GLUD1: variants seen among roughly 807,000 people sequenced by gnomAD.
GLUD1 encodes glutamate dehydrogenase 1, mitochondrial.
Under a neutral mutation model 56.0 loss-of-function variants are expected in GLUD1, and 22 were observed. That is an observed-to-expected ratio of 0.39 (90% CI 0.28 to 0.56). The LOEUF (loss-of-function observed/expected upper bound fraction) is 0.56, where lower values mean the gene tolerates loss of function less well. GLUD1 is among the 20% of genes least tolerant of loss of function. The pLI, the probability that GLUD1 is intolerant of heterozygous loss-of-function variation, is 0.58. For synonymous variants in GLUD1, 223 were observed against 269.9 expected, an observed-to-expected ratio of 0.83 and a Z score of 1.70; for missense variants, 451 against 732.0, an observed-to-expected ratio of 0.62 and a Z score of 4.43.
At chr10:87,083,850 A>T (rs1216483414) in intron 1 of GLUD1, among the ~76,000 whole-genome samples, 1 of 151,950 alleles carries the variant, frequency 6.6e-6, no homozygotes, top group Non-Finnish European at 1.5e-5. Context: ...CACACACCGC[A>T]TCTTAAAACT....
At chr10:87,067,023 C>T (rs906957187) in intron 5 of GLUD1, among the ~76,000 whole-genome samples, 1 of 152,226 alleles carries the variant, frequency 6.6e-6, no homozygotes, top group African/African-American at 2.4e-5. Flanking sequence ...ATGTGCCTCA[C>T]ATGTGCAATG....
Position 87,060,723 on chromosome 10 carries a change from A to G in GLUD1, c.1162T>C (p.Leu388=), listed in dbSNP as rs1451718906. ...ACTCTGGGTGCGTTGGATTTGGTCA[A>G]CTGCTTCTCACTGGCAGCTGGGATC... is the stretch of plus-strand genomic sequence containing the variant. ...ILIPAASEKQ[L]TKSNAPRVKA... is the part of the protein sequence containing the mutation. The change falls in exon 8 of 13, where the codon TTG becomes CTG. Residue 388 remains leucine, a synonymous_variant. Transcript: ENST00000277865. 6.2e-7 allele frequency: 1 copy of G among 1,614,048 alleles called. No homozygotes were observed. The highest frequency in any genetic ancestry group is 1.3e-5 in the African/African-American group (1 of 74,936).
At chr10:87,061,191 A>G (rs768331322) in intron 6 of GLUD1, 139 bp from the exon 7 acceptor site, 1 of 850,824 alleles carries the variant, frequency 1.2e-6, no homozygotes, top group Non-Finnish European at 2.0e-6. Flanking sequence ...GAAACAATGT[A>G]CTAACTGGTT....
Position 87,094,818 on chromosome 10 carries a change from T to G in GLUD1, c.-49A>C. 4.3e-6 allele frequency: 6 copies of G among 1,385,386 alleles called. No homozygotes were observed. Among genetic ancestry groups the G allele is most frequent in the Non-Finnish European group, 5.9e-6 (6 of 1,016,870 alleles). The allele number at this position is 1,385,386 out of a possible 1,614,324, so 85.8% of individuals were successfully genotyped here. ...GTGATGGTCGCGAAACAGGCGCGCTTTCTCAGACTCCCCGCGACTAGGGAG... is the reference window on the plus strand; with the variant it reads ...GTGATGGTCGCGAAACAGGCGCGCTGTCTCAGACTCCCCGCGACTAGGGAG... On this transcript the variant is annotated 5_prime_UTR_variant, in exon 1 of 13. Coordinates refer to ENST00000277865, the MANE Select transcript of GLUD1 (RefSeq NM_005271.5). This position sits in a 1 kb window ranked among gnomAD's most constrained non-coding sequence, Gnocchi z 6.6.
At chr10:87,089,604 T>A (rs1301228429) in intron 1 of GLUD1, 1 of 985,164 alleles carries the variant, frequency 1.0e-6, no homozygotes, top group African/African-American at 1.7e-5. Flanking sequence ...AGAATGTGTG[T>A]GGCTGCAGAA....
chr10:87,076,319 A>G (rs772079383), intron 2 of GLUD1, among the ~76,000 whole-genome samples: 7 of 152,208 alleles, frequency 4.6e-5, no homozygotes, highest in Non-Finnish European at 1.0e-4. Flanking sequence ...TCTTATTTAC[A>G]GAATGTGTTG....
chr10:87,074,680 G>C, intron 3 of GLUD1, 66 bp from the exon 4 acceptor site: 1 of 876,806 alleles, frequency 1.1e-6, no homozygotes, highest in East Asian at 2.4e-5. Flanking sequence ...ATTATAGCTA[G>C]CATCTTATTT....
chr10:87,070,409 G>A (rs1564771426), intron 4 of GLUD1, among the ~76,000 whole-genome samples: 1 of 152,142 alleles, frequency 6.6e-6, no homozygotes. Flanking sequence ...GACCATCCTG[G>A]CCAACGTGGT....
rs1220267620 is a variant in GLUD1, at chr10:87,094,297, G to A, written c.445+28C>T. The stretch of plus-strand genomic sequence containing the variant: ...GGAGGGCCGCAGGGGAGGCAGGGAG[G>A]GCGGGACGGGGCCCGGCCGACGCTC... On this transcript the variant is annotated intron_variant, in intron 1 of 12. Coordinates refer to ENST00000277865, the MANE Select transcript of GLUD1 (RefSeq NM_005271.5). The surrounding 1 kb of genome is among the most constrained non-coding windows in gnomAD (Gnocchi z 6.6). The A allele has an allele frequency of 6.3e-7, 1 of 1,578,252 alleles. No individual in the cohort carries two copies. The highest frequency in any genetic ancestry group is 1.8e-5 in the Admixed American group (1 of 54,212).
At chr10:87,062,942 C>T (rs577158545) in intron 5 of GLUD1, 107 bp from the exon 6 acceptor site, 189 of 1,014,080 alleles carry the variant, frequency 1.9e-4, no homozygotes, top group Non-Finnish European at 2.5e-4. Context: ...CAAAAATATG[C>T]TAATTAGGAG....
intron 10 of GLUD1, 136 bp from the exon 11 acceptor site, chr10:87,057,918 G>C: frequency 1.5e-6 from 1 of 646,738 alleles, no homozygotes; most frequent in South Asian, 1.6e-5. Flanking sequence ...ACCCAGGCTG[G>C]AGTGTAGAGG....
Position 87,094,286 on chromosome 10 carries a change from G to A in GLUD1, c.445+39C>T. The A allele has an allele frequency of 6.4e-7, 1 of 1,563,360 alleles. No homozygotes were observed. The highest frequency in any genetic ancestry group is 2.4e-5 in the East Asian group (1 of 42,004). On this transcript the variant is annotated intron_variant, in intron 1 of 12. Coordinates refer to ENST00000277865, the MANE Select transcript of GLUD1 (RefSeq NM_005271.5). This position sits in a 1 kb window ranked among gnomAD's most constrained non-coding sequence, Gnocchi z 6.6. ...GAGGCCGGAGGGGAGGGCCGCAGGG[G>A]AGGCAGGGAGGGCGGGACGGGGCCC...
intron 1 of GLUD1, among the ~76,000 whole-genome samples, chr10:87,087,892 C>T (rs531338220): frequency 4.6e-5 from 7 of 152,222 alleles, no homozygotes; most frequent in Non-Finnish European, 7.4e-5. Flanking sequence ...ACCAGCCTGA[C>T]CAACATGGCA....
chr10:87,087,134 A>C (rs1387317316), intron 1 of GLUD1, among the ~76,000 whole-genome samples: 1 of 152,176 alleles, frequency 6.6e-6, no homozygotes, highest in Non-Finnish European at 1.5e-5. Context: ...CTCAGGTTCA[A>C]TAATGTTATA....
chr10:87,059,890 G>C (rs538401093), intron 9 of GLUD1, among the ~76,000 whole-genome samples: 1 of 152,322 alleles, frequency 6.6e-6, no homozygotes, highest in South Asian at 2.1e-4. Flanking sequence ...AGTTAGAATA[G>C]TGTTTCTAAC....
chr10:87,053,511 T>C (rs1345819216), intron 11 of GLUD1, 107 bp from the exon 12 acceptor site: 2 of 769,604 alleles, frequency 2.6e-6, no homozygotes, highest in Non-Finnish European at 2.3e-6. Flanking sequence ...AGACAGAATT[T>C]TTTGTCTTTT....
intron 1 of GLUD1, 146 bp from the exon 2 acceptor site, chr10:87,076,802 C>G (rs1443383719): frequency 1.4e-6 from 1 of 696,872 alleles, no homozygotes; most frequent in African/African-American, 1.8e-5. Flanking sequence ...TGTCCAAAAA[C>G]ACTTGAAGCA....
chr10:87,081,365 G>A (rs1191070397), intron 1 of GLUD1, among the ~76,000 whole-genome samples: 2 of 151,308 alleles, frequency 1.3e-5, no homozygotes, highest in East Asian at 2.0e-4. Flanking sequence ...CTGTCCGGGA[G>A]GTGAGGGGCG....
rs952141133 is a variant in GLUD1, at chr10:87,051,931, A to C, written c.1558-61T>G. 1.9e-5 allele frequency: 31 copies of C among 1,598,534 alleles called. No individual in the cohort carries two copies. The African/African-American group carries it at 2.8e-4, about 15-fold the overall frequency. On this transcript the variant is annotated intron_variant, in intron 12 of 12. Coordinates refer to ENST00000277865, the MANE Select transcript of GLUD1 (RefSeq NM_005271.5). Reference sequence around the variant, plus strand: ...TGACTCAAGTGGCCAGGCCATAAACACACAAGGCCCAGACAGGCCTGGTCC... The same window carrying C: ...TGACTCAAGTGGCCAGGCCATAAACCCACAAGGCCCAGACAGGCCTGGTCC...
Sources: gnomAD v4.1 joint callset for allele counts (sites outside exome capture counted in the v4.1 genomes callset) on GRCh38, gnomAD v4.1.1 for gene constraint, Gnocchi (gnomAD v3.1) non-coding constraint, MANE v1.5 for transcripts, NCBI Gene and HGNC (gene_info 2026-07-23, HGNC 2026-07-21) for gene names.